The following RBFOX1 variants were observed in gnomAD, a reference collection of about 807,000 sequenced individuals.
The protein encoded by RBFOX1 is RNA binding fox-1 homolog 1.
Under a neutral mutation model 57.7 loss-of-function variants are expected in RBFOX1, and 8 were observed. The ratio of observed to expected loss-of-function variants is 0.14; its 90% CI spans 0.08 to 0.25. RBFOX1 has a LOEUF of 0.25. RBFOX1 is among the 10% of genes least tolerant of loss of function. RBFOX1 has a pLI of 1.00. For synonymous variants in RBFOX1, 326 were observed against 222.4 expected, an observed-to-expected ratio of 1.47 and a Z score of -4.15; for missense variants, 611 against 548.5, an observed-to-expected ratio of 1.11 and a Z score of -1.14.
chr16:7,121,933 G>T (rs1370710859), intron 4 of RBFOX1, among the ~76,000 whole-genome samples: 1 of 128,966 alleles, frequency 7.8e-6, no homozygotes, highest in South Asian at 2.3e-4. Flanking sequence ...AAATGATTTT[G>T]TTTTCAACAA....
At chr16:6,408,395 G>T (rs1567210288) in intron 2 of RBFOX1, among the ~76,000 whole-genome samples, 1 of 152,090 alleles carries the variant, frequency 6.6e-6, no homozygotes, top group African/African-American at 2.4e-5. Flanking sequence ...TTAGAATCCG[G>T]GAGCCAATGG....
chr16:7,667,249 G>A (rs1047260968), intron 13 of RBFOX1, among the ~76,000 whole-genome samples: 18 of 152,136 alleles, frequency 1.2e-4, no homozygotes, highest in East Asian at 1.9e-4. Flanking sequence ...GTGTGCATCC[G>A]TGTGTATACT....
At chr16:7,340,054 C>G (rs77201668) in intron 4 of RBFOX1, among the ~76,000 whole-genome samples, 3,055 of 152,306 alleles carry the variant, frequency 0.02, 43 homozygotes, top group South Asian at 0.062. Flanking sequence ...ATTGGTAGAT[C>G]TTATAGTCCA....
intron 4 of RBFOX1, among the ~76,000 whole-genome samples, chr16:5,922,427 G>C (rs1030434338): frequency 3.3e-5 from 5 of 152,192 alleles, no homozygotes; most frequent in African/African-American, 1.2e-4. Context: ...TCTCAGCTAT[G>C]GATAGCCCTT....
intron 1 of RBFOX1, among the ~76,000 whole-genome samples, chr16:6,224,006 A>C (rs1291379962): frequency 1.3e-5 from 2 of 152,058 alleles, no homozygotes; most frequent in Non-Finnish European, 2.9e-5. Context: ...AAGATCAGAT[A>C]GTTGTAGATA....
intron 10 of RBFOX1, among the ~76,000 whole-genome samples, chr16:7,630,219 G>T (rs919427484): frequency 6.6e-6 from 1 of 152,012 alleles, no homozygotes; most frequent in Non-Finnish European, 1.5e-5. Context: ...GAGGTACAGT[G>T]ACTTGCCAAG....
chr16:7,666,894 C>A (rs1289992720), intron 13 of RBFOX1, among the ~76,000 whole-genome samples: 1 of 152,152 alleles, frequency 6.6e-6, no homozygotes, highest in African/African-American at 2.4e-5. Flanking sequence ...TGCAGCGGTG[C>A]AGCTCGGGAA....
chr16:6,465,884 T>TGTGTGTGTGTGTG (rs2095037497), intron 2 of RBFOX1, among the ~76,000 whole-genome samples: 7 of 146,228 alleles, frequency 4.8e-5, no homozygotes, highest in African/African-American at 1.7e-4. Context: ...ATTTGTGTGT[T>TGTGTGTGTGTGTG]TGTGTGTGTG....
At chr16:6,871,712 C>A (rs1170610714) in intron 3 of RBFOX1, among the ~76,000 whole-genome samples, 2 of 152,068 alleles carry the variant, frequency 1.3e-5, no homozygotes, top group Non-Finnish European at 2.9e-5. Flanking sequence ...CTCCATATAC[C>A]AGAAAGAGTG....
intron 3 of RBFOX1, among the ~76,000 whole-genome samples, chr16:6,703,411 A>G (rs2062168443): frequency 6.6e-6 from 1 of 152,102 alleles, no homozygotes; most frequent in Admixed American, 6.6e-5. Context: ...CCATCTCTAC[A>G]GAAAATATAA....
At chr16:6,972,444 T>A (rs2085790715) in intron 3 of RBFOX1, among the ~76,000 whole-genome samples, 1 of 152,334 alleles carries the variant, frequency 6.6e-6, no homozygotes, top group South Asian at 2.1e-4. Context: ...CTAAGTAATA[T>A]TCCCTTATGT....
At chr16:6,881,842 A>G (rs890542846) in intron 3 of RBFOX1, among the ~76,000 whole-genome samples, 1 of 143,016 alleles carries the variant, frequency 7.0e-6, no homozygotes, top group Non-Finnish European at 1.5e-5. Context: ...ACAGAGCAGG[A>G]AACTGAGGCT....
At chr16:6,239,086 C>T (rs1481878347) in intron 1 of RBFOX1, among the ~76,000 whole-genome samples, 1 of 151,900 alleles carries the variant, frequency 6.6e-6, no homozygotes, top group Non-Finnish European at 1.5e-5. Context: ...AAGGTAAGAA[C>T]CTCTAATATA....
chr16:6,025,842 C>T (rs2095181582), intron 1 of RBFOX1, among the ~76,000 whole-genome samples: 1 of 152,158 alleles, frequency 6.6e-6, no homozygotes, highest in Admixed American at 6.5e-5. Context: ...GTTTTCCTCC[C>T]ACATTGACTG....
intron 3 of RBFOX1, among the ~76,000 whole-genome samples, chr16:6,819,846 T>A (rs558331169): frequency 1.3e-5 from 2 of 151,778 alleles, no homozygotes; most frequent in African/African-American, 4.8e-5. Context: ...AATCCAGCCC[T>A]CTGATTCCAG....
intron 4 of RBFOX1, among the ~76,000 whole-genome samples, chr16:7,295,120 T>C (rs1450096668): frequency 6.6e-6 from 1 of 152,188 alleles, no homozygotes; most frequent in African/African-American, 2.4e-5. Context: ...GAGATACAGT[T>C]GGTGAAGATT....
At chr16:6,991,167 C>T (rs892958023) in intron 3 of RBFOX1, among the ~76,000 whole-genome samples, 5 of 131,012 alleles carry the variant, frequency 3.8e-5, no homozygotes, top group Non-Finnish European at 4.8e-5. Context: ...AAAAAAGACA[C>T]GGTGGCGTGT....
chr16:6,900,650 C>G (rs1270961740), intron 3 of RBFOX1, among the ~76,000 whole-genome samples: 1 of 152,208 alleles, frequency 6.6e-6, no homozygotes, highest in African/African-American at 2.4e-5. Flanking sequence ...TTCTACCCTT[C>G]TTGACCTCGT....
chr16:6,851,968 C>T (rs1380440765), intron 3 of RBFOX1, among the ~76,000 whole-genome samples: 3 of 151,196 alleles, frequency 2.0e-5, no homozygotes, highest in Non-Finnish European at 1.5e-5. Context: ...GTTCGTCGCC[C>T]AGGCTGGAGT....
Sources: gnomAD v4.1 joint callset for allele counts (sites outside exome capture counted in the v4.1 genomes callset) on GRCh38, gnomAD v4.1.1 for gene constraint, MANE v1.5 for transcripts, NCBI Gene and HGNC (gene_info 2026-07-23, HGNC 2026-07-21) for gene names.